SGSM1: variants seen among roughly 807,000 people sequenced by gnomAD.
The protein encoded by SGSM1 is RUN and TBC1 domain containing 2.
In SGSM1, 73 loss-of-function variants were observed where a neutral mutation model predicts 133.8. The observed-to-expected ratio is 0.55, with a 90% CI of 0.45 to 0.66. The LOEUF (loss-of-function observed/expected upper bound fraction) is 0.66. SGSM1 is among the 30% of genes least tolerant of loss of function. The probability of loss-of-function intolerance (pLI) is 0.00; values close to 1 mark genes in which losing one functional copy is unlikely to be tolerated. For synonymous variants in SGSM1, 563 were observed against 573.0 expected (o/e 0.98, Z 0.25); for missense variants, 1,213 against 1,448.1 (o/e 0.84, Z 2.64).
chr22:24,915,484 CTT>C (rs1260630993), intron 22 of SGSM1, among the ~76,000 whole-genome samples: 1 of 152,184 alleles, frequency 6.6e-6, no homozygotes, highest in African/African-American at 2.4e-5. Flanking sequence ...TATTGTCACA[CTT>C]ATATATTTTT....
intron 2 of SGSM1, among the ~76,000 whole-genome samples, chr22:24,833,635 C>T (rs1929250825): frequency 6.8e-6 from 1 of 147,040 alleles, no homozygotes. Flanking sequence ...TCCAGCCTGG[C>T]GACAGAGCGA....
chr22:24,916,252 C>T (rs1310679414), intron 22 of SGSM1, among the ~76,000 whole-genome samples: 1 of 152,242 alleles, frequency 6.6e-6, no homozygotes, highest in Non-Finnish European at 1.5e-5. Context: ...CAAGGAGCTA[C>T]TTTCTGTTTC....
chr22:24,903,432 C>T (rs899131326), intron 20 of SGSM1, among the ~76,000 whole-genome samples: 1 of 152,058 alleles, frequency 6.6e-6, no homozygotes, highest in African/African-American at 2.4e-5. Context: ...TGGTCTTGAA[C>T]TCCTGAGCTC....
chr22:24,874,578 C>A (rs780905612), intron 12 of SGSM1: 2 of 1,594,634 alleles, frequency 1.3e-6, no homozygotes, highest in South Asian at 1.1e-5. Context: ...AGCAGCCCCC[C>A]AGTAATGTCT....
At chr22:24,871,767 C>A (rs1194907319) in intron 12 of SGSM1, among the ~76,000 whole-genome samples, 1 of 152,192 alleles carries the variant, frequency 6.6e-6, no homozygotes, top group African/African-American at 2.4e-5. Context: ...TCACTCCCTT[C>A]AGTCTCAAGG....
chr22:24,899,584 G>A (rs963412546), intron 19 of SGSM1, among the ~76,000 whole-genome samples: 6 of 148,592 alleles, frequency 4.0e-5, no homozygotes, highest in South Asian at 2.1e-4. Context: ...GTGCAGTGGC[G>A]TGATCTCGGC....
chr22:24,838,904 T>A (rs1053892327), intron 2 of SGSM1, among the ~76,000 whole-genome samples: 1 of 141,696 alleles, frequency 7.1e-6, no homozygotes, highest in Non-Finnish European at 1.5e-5. Context: ...TGATATTAAT[T>A]TTAGGATAGA....
At chr22:24,870,462 T>C (rs1460656407) in intron 12 of SGSM1, among the ~76,000 whole-genome samples, 1 of 152,256 alleles carries the variant, frequency 6.6e-6, no homozygotes, top group Admixed American at 6.5e-5. Flanking sequence ...ACAGGCAATG[T>C]GTACACTCCC....
chr22:24,853,006 G>A (rs1930571045), intron 5 of SGSM1, among the ~76,000 whole-genome samples: 1 of 152,180 alleles, frequency 6.6e-6, no homozygotes, highest in Non-Finnish European at 1.5e-5. Flanking sequence ...CCACCATTTT[G>A]TGAGAATTTC....
intron 2 of SGSM1, among the ~76,000 whole-genome samples, chr22:24,816,417 CTTTT>C (rs3062145): frequency 7.7e-6 from 1 of 130,094 alleles, no homozygotes. Context: ...TTTTTTCTTT[CTTTT>C]TTTTTTTTTT....
chr22:24,909,748 G>C (rs754510910), intron 21 of SGSM1, among the ~76,000 whole-genome samples: 8 of 152,054 alleles, frequency 5.3e-5, no homozygotes, highest in Non-Finnish European at 1.2e-4. Flanking sequence ...GAGCGACCAT[G>C]CCTGGCTGGT....
intron 5 of SGSM1, among the ~76,000 whole-genome samples, chr22:24,853,941 G>A (rs534342975): frequency 2.0e-5 from 3 of 149,534 alleles, no homozygotes; most frequent in African/African-American, 4.9e-5. Flanking sequence ...ACATGGCGGC[G>A]GCAAGAGAAA....
chr22:24,859,856 T>C lies in SGSM1; in HGVS notation c.926+16T>C. On this transcript the variant is annotated intron_variant, in intron 9 of 24. Transcript: ENST00000400358. ...ATGAGAAGAGGTAGGGCACTGGGTC[T>C]GATACGTATCCCTTGGGTCCCTCCA... 6.2e-7 allele frequency: 1 copy of C among 1,613,312 alleles called. No homozygotes were observed. The highest frequency in any genetic ancestry group is 8.5e-7 in the Non-Finnish European group (1 of 1,179,584).
chr22:24,917,820 C>A, intron 23 of SGSM1, 66 bp downstream of exon 23: 1 of 1,378,318 alleles, frequency 7.3e-7, no homozygotes, highest in Non-Finnish European at 1.0e-6. Flanking sequence ...GGGAAAAGAT[C>A]CCGTGGAGGT....
intron 2 of SGSM1, chr22:24,814,103 TG>T (rs1345856701): frequency 3.9e-5 from 6 of 152,118 alleles, no homozygotes; most frequent in Non-Finnish European, 8.8e-5. Context: ...ATTTGGCCAG[TG>T]TCACTCTCTG....
chr22:24,905,978 C>G (rs1009792916), intron 21 of SGSM1, among the ~76,000 whole-genome samples: 1 of 151,908 alleles, frequency 6.6e-6, no homozygotes, highest in African/African-American at 2.4e-5. Flanking sequence ...AAACTACACA[C>G]CAATATCCTT....
At chr22:24,906,956 G>A (rs1462069040) in intron 21 of SGSM1, among the ~76,000 whole-genome samples, 2 of 148,488 alleles carry the variant, frequency 1.3e-5, no homozygotes, top group Non-Finnish European at 3.0e-5. Context: ...ATCTCAAAAA[G>A]TAAAATAAAA....
chr22:24,854,885 G>T (rs1278436488), intron 5 of SGSM1, 111 bp from the exon 6 acceptor site: 5 of 750,784 alleles, frequency 6.7e-6, no homozygotes, highest in Non-Finnish European at 1.1e-5. Context: ...AGATGGGGCA[G>T]CTGAGGCTCT....
intron 3 of SGSM1, 147 bp downstream of exon 3, chr22:24,845,119 A>T: frequency 2.7e-6 from 2 of 732,460 alleles, no homozygotes; most frequent in Non-Finnish European, 4.5e-6. Context: ...AAAATACAGA[A>T]CAGTGTAGAG....
Sources: allele counts gnomAD v4.1 joint callset (sites outside exome capture counted in the v4.1 genomes callset), GRCh38; gene constraint gnomAD v4.1.1; transcripts MANE v1.5; gene names NCBI Gene and HGNC (gene_info 2026-07-23, HGNC 2026-07-21).